FRMD4A: variants seen among roughly 807,000 people sequenced by gnomAD.
FRMD4A encodes the protein FERM domain containing 4A, also known as FERM domain-containing protein 4A.
FRMD4A carries 29 observed loss-of-function variants against 129.1 expected under a neutral mutation model. The observed-to-expected ratio is 0.22, with a 90% CI of 0.17 to 0.31. FRMD4A has a LOEUF of 0.31. FRMD4A is among the 10% of genes least tolerant of loss of function. FRMD4A has a pLI of 1.00. For synonymous variants in FRMD4A, 634 were observed against 571.6 expected (o/e 1.11, Z -1.56); for missense variants, 1,272 against 1,375.8 (o/e 0.92, Z 1.19).
At chr10:14,189,231 G>A (rs1022865050) in intron 2 of FRMD4A, among the ~76,000 whole-genome samples, 7 of 152,116 alleles carry the variant, frequency 4.6e-5, no homozygotes, top group Non-Finnish European at 1.0e-4. Context: ...AATCCCAATA[G>A]CAAAATGCCA....
intron 2 of FRMD4A, among the ~76,000 whole-genome samples, chr10:14,158,450 A>T (rs995269008): frequency 3.3e-5 from 5 of 152,074 alleles, no homozygotes; most frequent in Non-Finnish European, 7.4e-5. Context: ...ACCTCTACAA[A>T]AAATAATTAA....
chr10:14,056,388 A>T (rs1834531901), intron 2 of FRMD4A, among the ~76,000 whole-genome samples: 2 of 150,274 alleles, frequency 1.3e-5, no homozygotes. Flanking sequence ...ACCTCTCCCC[A>T]ACCCCCCGTG....
At chr10:13,659,280 A>T (rs779713820) in intron 21 of FRMD4A, 43 bp downstream of exon 21, 5 of 1,585,846 alleles carry the variant, frequency 3.2e-6, no homozygotes, top group Admixed American at 3.3e-5. Context: ...CCCAATTTTA[A>T]AAAGGAAGGC....
intron 2 of FRMD4A, among the ~76,000 whole-genome samples, chr10:14,217,089 A>G (rs1472507073): frequency 6.6e-6 from 1 of 152,232 alleles, no homozygotes; most frequent in Non-Finnish European, 1.5e-5. Flanking sequence ...CTTCTCTGTC[A>G]CTATACTTGA....
At chr10:13,671,386 G>A (rs559126613) in intron 16 of FRMD4A, among the ~76,000 whole-genome samples, 83 of 152,210 alleles carry the variant, frequency 5.5e-4, no homozygotes, top group Non-Finnish European at 8.4e-4. Flanking sequence ...CCCGGGAGGC[G>A]GAGGTTGCAG....
At chr10:13,699,242 T>TG (rs60821371) in intron 14 of FRMD4A, among the ~76,000 whole-genome samples, 1 of 146,634 alleles carries the variant, frequency 6.8e-6, no homozygotes, top group African/African-American at 2.5e-5. Flanking sequence ...TTTTTTTTTT[T>TG]TTTTTTGTAT....
At chr10:14,168,279 A>G (rs961019409) in intron 2 of FRMD4A, among the ~76,000 whole-genome samples, 2 of 152,186 alleles carry the variant, frequency 1.3e-5, no homozygotes, top group Non-Finnish European at 2.9e-5. Flanking sequence ...TGTAATTACT[A>G]TAAAGATCAC....
intron 5 of FRMD4A, among the ~76,000 whole-genome samples, chr10:13,783,300 T>C (rs1300880726): frequency 1.3e-5 from 2 of 152,254 alleles, no homozygotes; most frequent in Non-Finnish European, 1.5e-5. Context: ...CTTTGTCCTA[T>C]CTGCTTTATA....
intron 2 of FRMD4A, among the ~76,000 whole-genome samples, chr10:14,024,863 T>C (rs1222766110): frequency 6.6e-6 from 1 of 152,230 alleles, no homozygotes; most frequent in Non-Finnish European, 1.5e-5. Flanking sequence ...TGTTTTTGAC[T>C]CTAGCCCATT....
chr10:13,829,790 TCAGGAGAGC>T (rs910902450), intron 3 of FRMD4A, among the ~76,000 whole-genome samples: 4 of 152,188 alleles, frequency 2.6e-5, no homozygotes, highest in African/African-American at 9.6e-5. Flanking sequence ...CTGTGGGAAT[TCAGGAGAGC>T]CAGGAGAAAG....
At chr10:14,296,358 G>A (rs148044372) in intron 2 of FRMD4A, among the ~76,000 whole-genome samples, 54 of 152,314 alleles carry the variant, frequency 3.5e-4, no homozygotes, top group Admixed American at 6.5e-4. Context: ...CCCTGCAGCA[G>A]AATTCTCTGC....
chr10:13,704,243 C>T (rs2087171697), intron 13 of FRMD4A, among the ~76,000 whole-genome samples: 1 of 152,198 alleles, frequency 6.6e-6, no homozygotes, highest in Non-Finnish European at 1.5e-5. Context: ...AATAACTGAC[C>T]TGAAGCCATT....
chr10:14,005,771 T>C (rs1011486351), intron 2 of FRMD4A, among the ~76,000 whole-genome samples: 2 of 152,184 alleles, frequency 1.3e-5, no homozygotes, highest in African/African-American at 2.4e-5. Context: ...ATTGACTGTA[T>C]ATTCCCATAA....
chr10:14,008,447 C>G (rs181908763), intron 2 of FRMD4A: 82 of 1,002,144 alleles, frequency 8.2e-5, no homozygotes, highest in Non-Finnish European at 9.4e-5. Context: ...GCTGGCTCAG[C>G]GAGACTGCCG....
chr10:14,153,330 G>C (rs1349996876), intron 2 of FRMD4A, among the ~76,000 whole-genome samples: 1 of 152,208 alleles, frequency 6.6e-6, no homozygotes, highest in African/African-American at 2.4e-5. Flanking sequence ...CCTTCTGCAT[G>C]ATTTTTCTGA....
chr10:14,036,510 T>C (rs1439581285), intron 2 of FRMD4A, among the ~76,000 whole-genome samples: 1 of 152,228 alleles, frequency 6.6e-6, no homozygotes, highest in Admixed American at 6.5e-5. Context: ...GTTTCACTTC[T>C]TAACCCGGAT....
At chr10:14,211,448 C>A (rs943118769) in intron 2 of FRMD4A, among the ~76,000 whole-genome samples, 2 of 152,160 alleles carry the variant, frequency 1.3e-5, no homozygotes, top group African/African-American at 4.8e-5. Context: ...CCTTAAGGCA[C>A]GCATCACTAT....
intron 2 of FRMD4A, among the ~76,000 whole-genome samples, chr10:14,135,649 T>C (rs971823596): frequency 2.1e-4 from 32 of 152,232 alleles, no homozygotes; most frequent in African/African-American, 7.5e-4. Flanking sequence ...AGATTCAGGT[T>C]TGTGCAAGCA....
In FRMD4A at chr10:13,978,908, T is replaced by A. The variant is rs2446583; in HGVS notation, c.46-119996A>T. ...AGAGCTATGCTTAGAAATATTCCCC[T>A]CAAGCTCCACCCATGATTATACAAG... On this transcript the variant is annotated intron_variant, in intron 2 of 24. Transcript: ENST00000357447. Among the ~76,000 whole-genome samples, 383 of 152,282 alleles carry A rather than the reference T, an allele frequency of 2.5e-3. 8 individuals carry two copies. The highest frequency in any genetic ancestry group is 5.0e-3 in the East Asian group (26 of 5,180).
Sources: allele counts gnomAD v4.1 joint callset (sites outside exome capture counted in the v4.1 genomes callset), GRCh38; gene constraint gnomAD v4.1.1; transcripts MANE v1.5; gene names NCBI Gene and HGNC (gene_info 2026-07-23, HGNC 2026-07-21).